SLC44A5: variants seen among roughly 807,000 people sequenced by gnomAD.
The protein encoded by SLC44A5 is solute carrier family 44 member 5.
In SLC44A5, 57 loss-of-function variants were observed where a neutral mutation model predicts 101.8. That is an observed-to-expected ratio of 0.56 (90% CI 0.45 to 0.70). The LOEUF (loss-of-function observed/expected upper bound fraction) is 0.70. Among genes scored for constraint, SLC44A5 ranks in the 30% least tolerant of loss-of-function variants. SLC44A5 has a pLI of 0.00. For missense variants in SLC44A5, 737 were observed against 853.1 expected (o/e 0.86, Z 1.70); for synonymous variants, 281 against 290.9 (o/e 0.97, Z 0.35).
chr1:75,306,733 CTT>C (rs771955227), intron 4 of SLC44A5, among the ~76,000 whole-genome samples: 5 of 102,586 alleles, frequency 4.9e-5, no homozygotes, highest in African/African-American at 2.1e-4. Context: ...GGTTTCCTTT[CTT>C]TTTTTTTTTT....
At chr1:75,661,069 A>G in the SLC44A5 span, among the ~76,000 whole-genome samples, 1 of 152,122 alleles carries the variant, frequency 6.6e-6, no homozygotes, top group African/African-American at 2.4e-5. Context: ...GAGGTACTAT[A>G]TTACCTGACT....
chr1:75,288,127 A>G (rs1010197768), intron 5 of SLC44A5, among the ~76,000 whole-genome samples: 1 of 152,226 alleles, frequency 6.6e-6, no homozygotes, highest in African/African-American at 2.4e-5. Context: ...TTATATTTGA[A>G]GGAAATAATT....
chr1:75,262,078 C>T (rs1650563283), intron 6 of SLC44A5, among the ~76,000 whole-genome samples: 1 of 151,586 alleles, frequency 6.6e-6, no homozygotes, highest in East Asian at 1.9e-4. Context: ...TGAAAACCGG[C>T]ACAACACAAG....
At chr1:75,661,400 A>AAAC in the SLC44A5 span, among the ~76,000 whole-genome samples, 1 of 148,748 alleles carries the variant, frequency 6.7e-6, no homozygotes. Context: ...AAAAAAAAAA[A>AAAC]AAAAAAAAAA....
At chr1:75,353,234 T>C (rs1311740887) in intron 3 of SLC44A5, among the ~76,000 whole-genome samples, 4 of 152,220 alleles carry the variant, frequency 2.6e-5, no homozygotes, top group African/African-American at 9.6e-5. Flanking sequence ...AAGACTCAAG[T>C]AATCCAAGTT....
At chr1:75,284,707 C>T (rs1215858080) in intron 5 of SLC44A5, among the ~76,000 whole-genome samples, 1 of 151,780 alleles carries the variant, frequency 6.6e-6, no homozygotes, top group Non-Finnish European at 1.5e-5. Context: ...TGCTGAGGGC[C>T]TTAATACTAA....
chr1:75,502,581 T>C (rs1557853006), intron 2 of SLC44A5, among the ~76,000 whole-genome samples: 1 of 152,106 alleles, frequency 6.6e-6, no homozygotes, highest in Admixed American at 6.6e-5. Flanking sequence ...TACTTTAAGT[T>C]CTAGGGTACA....
At chr1:75,238,256 C>T (rs945182213) in intron 10 of SLC44A5, among the ~76,000 whole-genome samples, 1 of 150,346 alleles carries the variant, frequency 6.7e-6, no homozygotes, top group African/African-American at 2.4e-5. Context: ...GATATGGCCC[C>T]ACTGCTCTGC....
chr1:75,644,970 G>A, the SLC44A5 span, among the ~76,000 whole-genome samples: 1 of 152,236 alleles, frequency 6.6e-6, no homozygotes, highest in African/African-American at 2.4e-5. Flanking sequence ...CCTTTTTAAT[G>A]GCTGCATAGT....
At chr1:75,478,545 G>A (rs1442194847) in intron 2 of SLC44A5, among the ~76,000 whole-genome samples, 4 of 152,056 alleles carry the variant, frequency 2.6e-5, no homozygotes, top group African/African-American at 9.6e-5. Context: ...CAAAATAAAA[G>A]GATGGAGGAA....
intron 1 of SLC44A5, among the ~76,000 whole-genome samples, chr1:75,543,800 C>T (rs961102136): frequency 6.6e-6 from 1 of 151,500 alleles, no homozygotes; most frequent in Non-Finnish European, 1.5e-5. Flanking sequence ...ACCTTGTTTG[C>T]TAAATTGTAC....
chr1:75,622,685 G>A, the SLC44A5 span, among the ~76,000 whole-genome samples: 10 of 151,934 alleles, frequency 6.6e-5, no homozygotes, highest in Non-Finnish European at 1.3e-4. Context: ...ATAATCCACC[G>A]TTAAACTCTC....
chr1:75,219,740 C>T, intron 15 of SLC44A5, 60 bp downstream of exon 15: 1 of 1,057,168 alleles, frequency 9.5e-7, no homozygotes, highest in South Asian at 1.4e-5. Flanking sequence ...AACACAAACT[C>T]CTGGTTCACG....
intron 2 of SLC44A5, among the ~76,000 whole-genome samples, chr1:75,473,671 T>C (rs1338694290): frequency 6.6e-6 from 1 of 152,238 alleles, no homozygotes; most frequent in Non-Finnish European, 1.5e-5. Flanking sequence ...TTGTATCAGC[T>C]TCTCTAATTC....
rs186835087 is a variant in SLC44A5 at position 75,237,986 on chromosome 1, G to C, written c.656+527C>G. 5.3e-5 allele frequency among the ~76,000 whole-genome samples: 8 copies of C among 152,050 alleles called. No individual in the cohort carries two copies. The East Asian group carries it at 1.6e-3, about 29-fold the overall frequency. ...GGGAAATATATTTTCCAGTAACATG[G>C]AGCACCATGTGTGTAGAGCCAAGGG... On this transcript the variant is annotated intron_variant, in intron 10 of 23. Coordinates refer to ENST00000370859, the MANE Select transcript of SLC44A5 (RefSeq NM_001130058.2).
chr1:75,577,506 C>T (rs890151023), intron 1 of SLC44A5, among the ~76,000 whole-genome samples: 2 of 152,126 alleles, frequency 1.3e-5, no homozygotes, highest in African/African-American at 4.8e-5. Flanking sequence ...GATGTCTTTA[C>T]CAGCGATTTC....
At chr1:75,454,886 T>C (rs903537674) in intron 2 of SLC44A5, among the ~76,000 whole-genome samples, 9 of 151,802 alleles carry the variant, frequency 5.9e-5, no homozygotes, top group African/African-American at 2.2e-4. Flanking sequence ...ATCATAGAGA[T>C]ATGATGCAAA....
the SLC44A5 span, among the ~76,000 whole-genome samples, chr1:75,628,497 A>T: frequency 1.3e-5 from 2 of 152,308 alleles, no homozygotes; most frequent in South Asian, 2.1e-4. Flanking sequence ...CTTAAACATT[A>T]TGACCTTTAA....
intron 4 of SLC44A5, among the ~76,000 whole-genome samples, chr1:75,329,639 A>C (rs1440026172): frequency 6.6e-6 from 1 of 152,168 alleles, no homozygotes; most frequent in African/African-American, 2.4e-5. Flanking sequence ...AAACTAATGC[A>C]CAATCTGGAA....
Sources: allele counts gnomAD v4.1 joint callset (sites outside exome capture counted in the v4.1 genomes callset), GRCh38; gene constraint gnomAD v4.1.1; transcripts MANE v1.5; gene names NCBI Gene and HGNC (gene_info 2026-07-23, HGNC 2026-07-21).